Variants in DST observed in about 807,000 individuals in gnomAD.
DST encodes bullous pemphigoid antigen.
In DST, 253 loss-of-function variants were observed where a neutral mutation model predicts 875.2. That is an observed-to-expected ratio of 0.29 (90% CI 0.26 to 0.32). The LOEUF (loss-of-function observed/expected upper bound fraction) is 0.32, where lower values mean the gene tolerates loss of function less well. Ranked by LOEUF, DST falls within the 10% of genes least tolerant of loss-of-function variation. The probability of loss-of-function intolerance (pLI) is 1.00; values close to 1 mark genes in which losing one functional copy is unlikely to be tolerated. For synonymous variants in DST, 3,124 were observed against 3,197.1 expected (o/e 0.98, Z 0.77); for missense variants, 8,287 against 9,111.6 (o/e 0.91, Z 3.68).
chr6:56,639,848 A>C (rs1277251859), intron 19 of DST, 75 bp from the exon 20 acceptor site: 1 of 1,584,562 alleles, frequency 6.3e-7, no homozygotes, highest in Non-Finnish European at 8.7e-7. Flanking sequence ...TGTATCTATT[A>C]TTGATTTACA....
At position 56,603,976 on chromosome 6, in the gene DST, C is replaced by A. The variant is rs1470395488; in HGVS notation, c.10652G>T (p.Gly3551Val). The change falls in exon 40 of 104, where the codon GGA becomes GTA. Residue 3551 changes from glycine (G) to valine (V), a missense_variant. Around this residue, in one of 10 missense-constraint regions of DST, gnomAD observed 3,138 missense variants for 3,116.6 expected, o/e 1.01. Coordinates refer to ENST00000680361, the MANE Select transcript of DST (RefSeq NM_001374736.1). ...SPNLETVKEIGLESSTVWAST... is the reference protein window; with the variant it reads ...SPNLETVKEIVLESSTVWAST... ...TGCCCACACAGTAGAGCTTTCTAGTCCAATTTCTTTTACAGTTTCTAAATT... is the reference window on the plus strand; with the variant it reads ...TGCCCACACAGTAGAGCTTTCTAGTACAATTTCTTTTACAGTTTCTAAATT... 5.0e-6 allele frequency: 8 copies of A among 1,609,960 alleles called. No individual in the cohort carries two copies. The South Asian group carries it at 8.8e-5, about 18-fold the overall frequency.
intron 4 of DST, among the ~76,000 whole-genome samples, chr6:56,800,535 A>G (rs1485676476): frequency 6.6e-6 from 1 of 152,198 alleles, no homozygotes; most frequent in Non-Finnish European, 1.5e-5. Flanking sequence ...ATATCCTAGG[A>G]TGAGAACATC....
chr6:56,568,432 T>C (rs776303558), intron 55 of DST, 37 bp downstream of exon 55: 66 of 1,576,004 alleles, frequency 4.2e-5, no homozygotes, highest in Non-Finnish European at 5.2e-5. Flanking sequence ...TAAACCTGAT[T>C]CTTAGTTTTT....
chr6:56,623,418 T>G (rs906456615), intron 36 of DST, among the ~76,000 whole-genome samples: 1 of 152,166 alleles, frequency 6.6e-6, no homozygotes, highest in Non-Finnish European at 1.5e-5. Flanking sequence ...AGATGAGAGA[T>G]GCATGCATTT....
chr6:56,832,172 T>C (rs189857939), intron 4 of DST, among the ~76,000 whole-genome samples: 3 of 152,290 alleles, frequency 2.0e-5, no homozygotes, highest in East Asian at 3.9e-4. Context: ...TTATCTATAG[T>C]AGTTAAATTG....
At chr6:56,677,048 G>T (rs573559470) in intron 9 of DST, among the ~76,000 whole-genome samples, 1 of 152,238 alleles carries the variant, frequency 6.6e-6, no homozygotes, top group South Asian at 2.1e-4. Context: ...CCTGAAAAAT[G>T]TAAGTACTGA....
intron 4 of DST, among the ~76,000 whole-genome samples, chr6:56,798,366 C>T (rs1393904842): frequency 6.8e-6 from 1 of 147,934 alleles, no homozygotes; most frequent in Non-Finnish European, 1.5e-5. Context: ...AATTTTATGG[C>T]CCTTAAGAAT....
At chr6:56,666,421 T>C (rs1414795059) in intron 10 of DST, among the ~76,000 whole-genome samples, 1 of 152,178 alleles carries the variant, frequency 6.6e-6, no homozygotes, top group Admixed American at 6.5e-5. Context: ...ACTGGTTTGC[T>C]TTTAAGTAAA....
At chr6:56,737,557 C>T (rs370607124) in intron 4 of DST, among the ~76,000 whole-genome samples, 4 of 152,322 alleles carry the variant, frequency 2.6e-5, no homozygotes, top group Middle Eastern at 6.8e-3. Flanking sequence ...TAATGGCTAA[C>T]ATATTGAAAA....
At chr6:56,565,278 G>A (rs1468061600) in intron 55 of DST, among the ~76,000 whole-genome samples, 1 of 151,872 alleles carries the variant, frequency 6.6e-6, no homozygotes, top group African/African-American at 2.4e-5. Flanking sequence ...CCACCACCAA[G>A]CCCAGTTAAT....
Position 56,712,871 on chromosome 6 carries a change from T to C in DST, c.688-8502A>G, listed in dbSNP as rs529414575. Among the ~76,000 whole-genome samples, 6 of 152,324 alleles carry C rather than the reference T, an allele frequency of 3.9e-5. No homozygotes were observed. The East Asian group carries it at 1.2e-3, about 29-fold the overall frequency. The stretch of plus-strand genomic sequence containing the variant: ...AAATGTGTATTTCCTCATCAAATCC[T>C]CCCAGCTAATGACTCTCTTGTAACG... On this transcript the variant is annotated intron_variant, in intron 5 of 103. Coordinates refer to ENST00000680361, the MANE Select transcript of DST (RefSeq NM_001374736.1).
At chr6:56,859,342 C>T (rs1429262884) in intron 3 of DST, among the ~76,000 whole-genome samples, 2 of 151,798 alleles carry the variant, frequency 1.3e-5, no homozygotes, top group Non-Finnish European at 2.9e-5. Flanking sequence ...TGCAAAGTAT[C>T]GAAATACAAA....
chr6:56,515,796 T>A (rs942045904), intron 71 of DST, 128 bp from the exon 72 acceptor site: 2 of 645,070 alleles, frequency 3.1e-6, no homozygotes, highest in Admixed American at 3.1e-5. Context: ...AATGAATACA[T>A]CAGTAAAAGC....
At chr6:56,488,708 A>G (rs1209092772) in intron 86 of DST, among the ~76,000 whole-genome samples, 5 of 152,218 alleles carry the variant, frequency 3.3e-5, no homozygotes, top group Non-Finnish European at 7.3e-5. Context: ...GCGATAATTT[A>G]TATGTACGTG....
chr6:56,717,774 C>A (rs1464342613), intron 5 of DST, among the ~76,000 whole-genome samples: 1 of 147,102 alleles, frequency 6.8e-6, no homozygotes, highest in Non-Finnish European at 1.5e-5. Context: ...AACCAATCTG[C>A]AGAAAGCACC....
At chr6:56,649,209 A>T (rs993439178) in intron 12 of DST, among the ~76,000 whole-genome samples, 4 of 152,122 alleles carry the variant, frequency 2.6e-5, no homozygotes, top group Non-Finnish European at 5.9e-5. Flanking sequence ...CAGTAGGCAA[A>T]CTCTTTAAAA....
intron 54 of DST, 90 bp from the exon 55 acceptor site, chr6:56,568,685 T>C (rs1043694892): frequency 8.6e-7 from 1 of 1,164,548 alleles, no homozygotes; most frequent in Non-Finnish European, 1.2e-6. Context: ...CTTAAAGTAG[T>C]AATAATTGTA....
rs2152938891 is a variant in DST at position 56,742,185 on chromosome 6, TC to T, written c.626-6897del. The T allele has an allele frequency of 6.3e-6, 5 of 796,978 alleles. No individual in the cohort carries two copies. In the South Asian group the frequency reaches 7.0e-5, roughly 11 times the overall value. The allele number at this position is 796,978 out of a possible 1,614,324, so 49.4% of individuals were successfully genotyped here. A position where few individuals can be genotyped will look rare whatever the true frequency, so the allele number is the denominator to read the frequency against. On this transcript the variant is annotated intron_variant, in intron 4 of 103. Coordinates refer to ENST00000680361, the MANE Select transcript of DST (RefSeq NM_001374736.1). ...AGATGCCCGACAATCAGCTGAACTA[TC>T]GCCATGCAAACCAAAGCAGGTAGTG...
At chr6:56,907,594 C>A (rs1796970068) in intron 2 of DST, among the ~76,000 whole-genome samples, 1 of 152,182 alleles carries the variant, frequency 6.6e-6, no homozygotes, top group African/African-American at 2.4e-5. Context: ...CAGTGCCCTT[C>A]AACATTCTGC....
Sources: allele counts gnomAD v4.1 joint callset (sites outside exome capture counted in the v4.1 genomes callset), GRCh38; gene constraint gnomAD v4.1.1; regional missense constraint gnomAD v4.1.1; transcripts MANE v1.5; gene names NCBI Gene and HGNC (gene_info 2026-07-23, HGNC 2026-07-21).